The following ADAMTSL1 variants were observed in gnomAD, a reference collection of about 807,000 sequenced individuals.
ADAMTSL1 encodes ADAMTS-like protein 1.
In ADAMTSL1, 126 loss-of-function variants were observed where a neutral mutation model predicts 201.8. That is an observed-to-expected ratio of 0.62 (90% CI 0.54 to 0.72). ADAMTSL1 has a LOEUF of 0.72. Among genes scored for constraint, ADAMTSL1 ranks in the 30% least tolerant of loss-of-function variants. The pLI, the probability that ADAMTSL1 is intolerant of heterozygous loss-of-function variation, is 0.00. For missense variants in ADAMTSL1, 2,679 were observed against 2,277.8 expected, an observed-to-expected ratio of 1.18 and a Z score of -3.59; for synonymous variants, 1,121 against 903.4, an observed-to-expected ratio of 1.24 and a Z score of -4.32.
intron 2 of ADAMTSL1, among the ~76,000 whole-genome samples, chr9:18,203,486 C>T (rs773493514): frequency 6.6e-6 from 1 of 150,714 alleles, no homozygotes; most frequent in Non-Finnish European, 1.5e-5. Context: ...ATAACTGTAC[C>T]AAAAAGCCTA....
chr9:18,235,751 C>T (rs1183456969), intron 2 of ADAMTSL1, among the ~76,000 whole-genome samples: 1 of 152,124 alleles, frequency 6.6e-6, no homozygotes, highest in African/African-American at 2.4e-5. Context: ...GTGCTGACCC[C>T]TCCCTTTGCC....
intron 15 of ADAMTSL1, among the ~76,000 whole-genome samples, chr9:18,725,786 T>TTA (rs1349908497): frequency 6.6e-6 from 1 of 152,236 alleles, no homozygotes; most frequent in Non-Finnish European, 1.5e-5. Context: ...CTTTGCTACA[T>TTA]ACACTTCCAG....
At chr9:18,579,287 T>C (rs187512304) in intron 4 of ADAMTSL1, among the ~76,000 whole-genome samples, 14,357 of 141,570 alleles carry the variant, frequency 0.1, 799 homozygotes, top group Middle Eastern at 0.16. Flanking sequence ...TAGGTGGGAA[T>C]TGAACAATGA....
At chr9:18,866,551 T>C (rs1192824440) in intron 23 of ADAMTSL1, among the ~76,000 whole-genome samples, 1 of 152,208 alleles carries the variant, frequency 6.6e-6, no homozygotes, top group African/African-American at 2.4e-5. Context: ...AAGTGGACTT[T>C]CCTAAAAGTG....
At chr9:18,906,651 C>T (rs528545998) in intron 27 of ADAMTSL1, 41 bp from the exon 28 acceptor site, 11 of 1,480,570 alleles carry the variant, frequency 7.4e-6, no homozygotes, top group Admixed American at 2.4e-5. Flanking sequence ...GATTCAGCCC[C>T]CACAGAAGCA....
intron 2 of ADAMTSL1, among the ~76,000 whole-genome samples, chr9:18,443,435 C>T (rs1486304185): frequency 1.3e-5 from 2 of 152,190 alleles, no homozygotes; most frequent in Admixed American, 1.3e-4. Flanking sequence ...ACTGAACCTT[C>T]TCAGTAAGCC....
At chr9:18,451,885 G>A (rs1490560704) in intron 2 of ADAMTSL1, among the ~76,000 whole-genome samples, 8 of 152,232 alleles carry the variant, frequency 5.3e-5, no homozygotes, top group Non-Finnish European at 1.2e-4. Flanking sequence ...AAGAGAGGAT[G>A]AGAGTGAGGG....
At chr9:18,386,230 T>G (rs1429642135) in intron 2 of ADAMTSL1, among the ~76,000 whole-genome samples, 1 of 152,178 alleles carries the variant, frequency 6.6e-6, no homozygotes, top group Non-Finnish European at 1.5e-5. Context: ...TGTTGGTTCA[T>G]GGAAAATGAT....
At chr9:18,251,599 G>A (rs1297904815) in intron 2 of ADAMTSL1, among the ~76,000 whole-genome samples, 1 of 152,122 alleles carries the variant, frequency 6.6e-6, no homozygotes, top group East Asian at 1.9e-4. Context: ...TTGTTTGCAG[G>A]AAGGGACTGG....
intron 1 of ADAMTSL1, among the ~76,000 whole-genome samples, chr9:18,055,468 TC>T (rs1285460721): frequency 6.6e-6 from 1 of 152,196 alleles, no homozygotes; most frequent in Non-Finnish European, 1.5e-5. Context: ...TAAAGGCTAT[TC>T]TAAAAACCCT....
At chr9:18,386,058 A>G (rs958472196) in intron 2 of ADAMTSL1, among the ~76,000 whole-genome samples, 13 of 152,214 alleles carry the variant, frequency 8.5e-5, no homozygotes, top group Admixed American at 3.3e-4. Context: ...TTAATTCATC[A>G]TATCTGTGCT....
chr9:17,964,458 C>G (rs973235368), intron 1 of ADAMTSL1, among the ~76,000 whole-genome samples: 1 of 152,198 alleles, frequency 6.6e-6, no homozygotes, highest in Middle Eastern at 3.4e-3. Flanking sequence ...GAGAAGGGAA[C>G]AGTCAGGAGG....
intron 2 of ADAMTSL1, among the ~76,000 whole-genome samples, chr9:18,314,124 C>T (rs978121211): frequency 6.6e-6 from 1 of 152,070 alleles, no homozygotes; most frequent in Non-Finnish European, 1.5e-5. Flanking sequence ...ATCAAAACCA[C>T]AGTGAGATAT....
chr9:18,326,779 A>G (rs1834844571), intron 2 of ADAMTSL1, among the ~76,000 whole-genome samples: 1 of 152,158 alleles, frequency 6.6e-6, no homozygotes, highest in Non-Finnish European at 1.5e-5. Flanking sequence ...ACCACTTTAT[A>G]GTATTTGAGT....
intron 3 of ADAMTSL1, among the ~76,000 whole-genome samples, chr9:18,555,298 A>G (rs1359993704): frequency 6.6e-6 from 1 of 151,940 alleles, no homozygotes. Flanking sequence ...ATCGACTTCC[A>G]TCAACTTCCT....
intron 4 of ADAMTSL1, among the ~76,000 whole-genome samples, chr9:18,592,001 G>A (rs183567624): frequency 6.6e-6 from 1 of 152,158 alleles, no homozygotes; most frequent in Admixed American, 6.6e-5. Flanking sequence ...ATGCAGTCAG[G>A]CATTGTCATG....
chr9:18,630,685 A>G (rs572387191), intron 5 of ADAMTSL1, among the ~76,000 whole-genome samples: 1 of 152,252 alleles, frequency 6.6e-6, no homozygotes, highest in East Asian at 1.9e-4. Flanking sequence ...GATGTCCAAT[A>G]TCTTAAAAAC....
At chr9:18,685,924 A>ATT (rs571372281) in intron 13 of ADAMTSL1, among the ~76,000 whole-genome samples, 2 of 145,306 alleles carry the variant, frequency 1.4e-5, no homozygotes, top group South Asian at 2.2e-4. Context: ...TTTTTTCCCT[A>ATT]TTTTTTTTTT....
intron 26 of ADAMTSL1, among the ~76,000 whole-genome samples, chr9:18,902,291 A>C (rs543941431): frequency 6.6e-6 from 1 of 152,358 alleles, no homozygotes; most frequent in South Asian, 2.1e-4. Context: ...TCCACCCAAT[A>C]ACAGCAGAAT....
Sources: gnomAD v4.1 joint callset for allele counts (sites outside exome capture counted in the v4.1 genomes callset) on GRCh38, gnomAD v4.1.1 for gene constraint, MANE v1.5 for transcripts, NCBI Gene and HGNC (gene_info 2026-07-23, HGNC 2026-07-21) for gene names.